PCDHGB5: variants seen among roughly 807,000 people sequenced by gnomAD.
PCDHGB5 encodes protocadherin gamma-B5.
In PCDHGB5, 48 loss-of-function variants were observed where a neutral mutation model predicts 62.9. The observed-to-expected ratio is 0.76, with a 90% CI of 0.61 to 0.97. The LOEUF is 0.97. Among genes scored for constraint, PCDHGB5 ranks in the 50% least tolerant of loss-of-function variants. The probability of loss-of-function intolerance (pLI) is 0.00; values close to 1 mark genes in which losing one functional copy is unlikely to be tolerated. For missense variants in PCDHGB5, 1,118 were observed against 1,198.6 expected (o/e 0.93, Z 0.99); for synonymous variants, 474 against 511.2 (o/e 0.93, Z 0.98).
chr5:141,422,780 T>C, intron 1 of PCDHGB5: 2 of 1,614,140 alleles, frequency 1.2e-6, no homozygotes, highest in Non-Finnish European at 1.7e-6. Context: ...CTCTATGCCC[T>C]ACAATCCTTC....
At chr5:141,401,059 G>T (rs1418485253) in intron 1 of PCDHGB5, among the ~76,000 whole-genome samples, 2 of 152,082 alleles carry the variant, frequency 1.3e-5, no homozygotes, top group Non-Finnish European at 2.9e-5. Flanking sequence ...AATACTATAT[G>T]TTGGCTGGGT....
At position 141,403,891 on chromosome 5, in the gene PCDHGB5, AT is replaced by A. The variant is rs757338627; in HGVS notation, c.2397+3371del. The A allele has an allele frequency of 3.1e-6, 5 of 1,613,870 alleles. No individual in the cohort carries two copies. In the Admixed American group the frequency reaches 6.7e-5, roughly 22 times the overall value. On this transcript the variant is annotated intron_variant, in intron 1 of 3. Transcript: ENST00000617380. Reference sequence around the variant, plus strand: ...AAAGTCTAGATTATGAAGAATGTTCATTTTATGAAATGGAAATACAAGCTGA... The same window carrying A: ...AAAGTCTAGATTATGAAGAATGTTCATTTATGAAATGGAAATACAAGCTGA...
chr5:141,405,231 C>A, intron 1 of PCDHGB5: 1 of 1,614,130 alleles, frequency 6.2e-7, no homozygotes, highest in Non-Finnish European at 8.5e-7. Flanking sequence ...TTCTCCCTCA[C>A]CGCTGACTCA....
intron 1 of PCDHGB5, chr5:141,422,516 G>A (rs575294611): frequency 1.2e-6 from 2 of 1,614,014 alleles, no homozygotes; most frequent in African/African-American, 1.3e-5. Context: ...GACCAGGGAA[G>A]CCCGCCTTTG....
rs757586675 is a variant in PCDHGB5, at chr5:141,399,621, C to T, written c.1494C>T (p.Ala498=). The T allele has an allele frequency of 1.1e-5, 17 of 1,613,830 alleles. No individual in the cohort carries two copies. The African/African-American group carries it at 2.3e-4, about 22-fold the overall frequency. Residue 498 remains alanine (A), a synonymous_variant, in exon 1 of 4, where the codon GCC becomes GCT. Transcript: ENST00000617380. ...MASDLEPLAL[A]SYVSMSAQSG... is the part of the protein sequence containing the mutation. Reference sequence around the variant, plus strand: ...GCGACCTAGAGCCTCTGGCACTGGCCTCTTACGTGTCCATGAGCGCGCAAA... The same window carrying T: ...GCGACCTAGAGCCTCTGGCACTGGCTTCTTACGTGTCCATGAGCGCGCAAA...
chr5:141,469,581 A>G (rs543624370), intron 1 of PCDHGB5, among the ~76,000 whole-genome samples: 1 of 152,340 alleles, frequency 6.6e-6, no homozygotes, highest in Admixed American at 6.5e-5. Flanking sequence ...CTCTAAATAA[A>G]TAAATAAATA....
At chr5:141,402,910 G>A in intron 1 of PCDHGB5, 2 of 1,549,722 alleles carry the variant, frequency 1.3e-6, no homozygotes, top group Non-Finnish European at 1.7e-6. Context: ...ATGAAGCAGC[G>A]CGCACAGAGA....
intron 1 of PCDHGB5, chr5:141,422,014 C>T (rs1472942387): frequency 1.9e-6 from 3 of 1,610,040 alleles, no homozygotes; most frequent in African/African-American, 1.3e-5. Flanking sequence ...AACTCGGGTG[C>T]TGATGGTTAA....
chr5:141,505,694 G>A, intron 3 of PCDHGB5, among the ~76,000 whole-genome samples: 1 of 152,208 alleles, frequency 6.6e-6, no homozygotes, highest in East Asian at 1.9e-4. Flanking sequence ...GCCTGGAGGA[G>A]AGCGAACAAG....
At chr5:141,495,771 C>T (rs941051365) in intron 2 of PCDHGB5, among the ~76,000 whole-genome samples, 1 of 152,110 alleles carries the variant, frequency 6.6e-6, no homozygotes, top group Non-Finnish European at 1.5e-5. Flanking sequence ...TGTCCTTGTC[C>T]TGGACCTCTT....
At chr5:141,404,321 T>A (rs764642673) in intron 1 of PCDHGB5, 7 of 1,613,764 alleles carry the variant, frequency 4.3e-6, no homozygotes, top group Non-Finnish European at 3.4e-6. Flanking sequence ...TCAAGCCTCC[T>A]ACTCAGTCTA....
intron 1 of PCDHGB5, among the ~76,000 whole-genome samples, chr5:141,474,120 T>C (rs2099343213): frequency 6.6e-6 from 1 of 151,910 alleles, no homozygotes; most frequent in Non-Finnish European, 1.5e-5. Flanking sequence ...ACAACGAAAA[T>C]CTCAGAAAAC....
Position 141,399,618 on chromosome 5 carries a change from G to A in PCDHGB5, c.1491G>A (p.Leu497=). The part of the protein sequence containing the change: ...IMASDLEPLA[L]ASYVSMSAQS... Reference sequence around the variant, plus strand: ...CCAGCGACCTAGAGCCTCTGGCACTGGCCTCTTACGTGTCCATGAGCGCGC... The same window carrying A: ...CCAGCGACCTAGAGCCTCTGGCACTAGCCTCTTACGTGTCCATGAGCGCGC... The change falls in exon 1 of 4, where the codon CTG becomes CTA. Residue 497 remains leucine, a synonymous_variant. Transcript: ENST00000617380. 6.2e-7 allele frequency: 1 copy of A among 1,613,914 alleles called. No individual in the cohort carries two copies. The highest frequency in any genetic ancestry group is 8.5e-7 in the Non-Finnish European group (1 of 1,179,884).
At chr5:141,446,922 T>G (rs939249512) in intron 1 of PCDHGB5, among the ~76,000 whole-genome samples, 1 of 152,220 alleles carries the variant, frequency 6.6e-6, no homozygotes, top group Non-Finnish European at 1.5e-5. Context: ...TTTATCTTCC[T>G]GATCTCTTTT....
At chr5:141,433,044 A>T in intron 1 of PCDHGB5, 2 of 1,613,972 alleles carry the variant, frequency 1.2e-6, no homozygotes, top group Non-Finnish European at 8.5e-7. Flanking sequence ...CTCACCACGG[A>T]CTCGCGGAAG....
At chr5:141,415,208 A>C in intron 1 of PCDHGB5, 3 of 1,614,024 alleles carry the variant, frequency 1.9e-6, no homozygotes, top group Non-Finnish European at 2.5e-6. Context: ...GTCCTGGCGG[A>C]CCTCGGCAGC....
intron 1 of PCDHGB5, among the ~76,000 whole-genome samples, chr5:141,400,951 C>A (rs991607511): frequency 6.6e-6 from 1 of 152,174 alleles, no homozygotes; most frequent in Non-Finnish European, 1.5e-5. Flanking sequence ...ACTGATTTCA[C>A]TGGTAGTTTT....
chr5:141,456,703 G>A (rs528071544), intron 1 of PCDHGB5, among the ~76,000 whole-genome samples: 37 of 152,180 alleles, frequency 2.4e-4, no homozygotes, highest in Non-Finnish European at 4.9e-4. Context: ...GGTGGCTCGC[G>A]CCTGTAATCC....
intron 1 of PCDHGB5, among the ~76,000 whole-genome samples, chr5:141,402,680 TATA>T (rs1441272447): frequency 2.4e-4 from 36 of 152,348 alleles, no homozygotes; most frequent in African/African-American, 7.9e-4. Context: ...AGCCATCTGA[TATA>T]ATGTTACACA....
Sources: gnomAD v4.1 joint callset for allele counts (sites outside exome capture counted in the v4.1 genomes callset) on GRCh38, gnomAD v4.1.1 for gene constraint, MANE v1.5 for transcripts, NCBI Gene and HGNC (gene_info 2026-07-23, HGNC 2026-07-21) for gene names.